Variants in UVRAG observed in about 807,000 individuals in gnomAD.
The protein encoded by UVRAG is UV radiation resistance associated.
Under a neutral mutation model 78.0 loss-of-function variants are expected in UVRAG, and 19 were observed. That is an observed-to-expected ratio of 0.24 (90% confidence interval 0.17 to 0.36). The LOEUF is 0.36. UVRAG is among the 10% of genes least tolerant of loss of function. UVRAG has a pLI of 1.00. For synonymous variants in UVRAG, 323 were observed against 324.6 expected, an observed-to-expected ratio of 1.00 and a Z score of 0.05; for missense variants, 740 against 853.8, an observed-to-expected ratio of 0.87 and a Z score of 1.66.
intron 1 of UVRAG, among the ~76,000 whole-genome samples, chr11:75,817,170 G>T (rs939215691): frequency 2.0e-5 from 3 of 152,146 alleles, no homozygotes; most frequent in Admixed American, 2.0e-4. Flanking sequence ...GGGAGGTAGA[G>T]TGTGAGAGTG....
chr11:76,005,368 A>G (rs539255054), intron 9 of UVRAG, among the ~76,000 whole-genome samples: 1 of 152,290 alleles, frequency 6.6e-6, no homozygotes, highest in African/African-American at 2.4e-5. Context: ...CTAGACCTAT[A>G]GAAAACCATA....
intron 8 of UVRAG, among the ~76,000 whole-genome samples, chr11:76,002,877 A>G (rs1465978072): frequency 6.6e-6 from 1 of 152,122 alleles, no homozygotes; most frequent in African/African-American, 2.4e-5. Context: ...GGAGTTCAAG[A>G]TCAGCCTGGA....
At chr11:75,877,316 C>A (rs1946811387) in intron 3 of UVRAG, among the ~76,000 whole-genome samples, 1 of 152,210 alleles carries the variant, frequency 6.6e-6, no homozygotes, top group Admixed American at 6.5e-5. Context: ...GCTTTCTATT[C>A]CACAAAACCG....
rs534676953 is a variant in UVRAG, at chr11:76,140,953, T to G, written c.1640T>G (p.Leu547Arg). Residue 547 changes from leucine to arginine, a missense_variant, in exon 15 of 15, where the codon CTA becomes CGA. Transcript: ENST00000356136. ...GAGACCGAGAGAAAGATAACATCTC[T>G]ATCCTCCTCCTTGGATACCTCCTTG... is the stretch of plus-strand genomic sequence containing the variant. The part of the protein sequence containing the change: ...MGETERKITS[L>R]SSSLDTSLDF... 6.2e-7 allele frequency: 1 copy of G among 1,614,140 alleles called. No individual in the cohort carries two copies. The highest frequency in any genetic ancestry group is 8.5e-7 in the Non-Finnish European group (1 of 1,180,028).
intron 3 of UVRAG, among the ~76,000 whole-genome samples, chr11:75,869,793 T>G (rs1946611780): frequency 6.6e-6 from 1 of 152,234 alleles, no homozygotes; most frequent in Non-Finnish European, 1.5e-5. Context: ...AAAATCAGTA[T>G]GCTATTCCAG....
intron 6 of UVRAG, among the ~76,000 whole-genome samples, chr11:75,952,529 T>C (rs1948723380): frequency 6.6e-6 from 1 of 152,068 alleles, no homozygotes. Context: ...AATTATGATC[T>C]TTTTTCTTCA....
At chr11:75,845,514 T>C (rs1946013996) in intron 1 of UVRAG, among the ~76,000 whole-genome samples, 1 of 152,180 alleles carries the variant, frequency 6.6e-6, no homozygotes, top group African/African-American at 2.4e-5. Flanking sequence ...AAGAATGAGA[T>C]CATGGCCTTT....
At chr11:75,930,926 A>ATT (rs1214153569) in intron 6 of UVRAG, 1 of 79,646 alleles carries the variant, frequency 1.3e-5, no homozygotes, top group Non-Finnish European at 3.0e-5. Context: ...AAGTGTCGGG[A>ATT]TTTTCTTTCT....
chr11:76,015,306 G>C (rs376251459), intron 11 of UVRAG, among the ~76,000 whole-genome samples: 1 of 152,020 alleles, frequency 6.6e-6, no homozygotes, highest in Non-Finnish European at 1.5e-5. Flanking sequence ...GTTTGAGGTC[G>C]GCCTGGGCAA....
intron 13 of UVRAG, among the ~76,000 whole-genome samples, chr11:76,094,512 A>C (rs1951755360): frequency 1.3e-5 from 2 of 152,170 alleles, no homozygotes; most frequent in African/African-American, 2.4e-5. Context: ...TTGGTAGGCT[A>C]TCAATTATTG....
At chr11:76,089,707 A>G (rs1265003935) in intron 13 of UVRAG, among the ~76,000 whole-genome samples, 1 of 152,168 alleles carries the variant, frequency 6.6e-6, no homozygotes, top group East Asian at 1.9e-4. Flanking sequence ...ACTTTCAACA[A>G]TCTTAGCAGA....
intron 13 of UVRAG, among the ~76,000 whole-genome samples, chr11:76,098,873 A>G (rs1951830935): frequency 6.6e-6 from 1 of 152,172 alleles, no homozygotes; most frequent in African/African-American, 2.4e-5. Flanking sequence ...ACCTTATGCA[A>G]ACAAAATTGT....
Position 76,116,114 on chromosome 11 carries a change from T to C in UVRAG, c.1397+99T>C. On this transcript the variant is annotated intron_variant, in intron 14 of 14. Coordinates refer to ENST00000356136, the MANE Select transcript of UVRAG (RefSeq NM_003369.4). ...ATTGCTCCACACCTGCCTCTGAGTT[T>C]TCTTCTGTAATGAGATATGGGAGGA... The C allele has an allele frequency of 2.6e-6, 3 of 1,154,554 alleles. No individual in the cohort carries two copies. In the South Asian group the frequency reaches 4.1e-5, roughly 16 times the overall value. 71.5% of individuals were successfully genotyped at this position (1,154,554 alleles called of 1,614,324 possible).
intron 1 of UVRAG, among the ~76,000 whole-genome samples, chr11:75,850,851 A>G (rs890073055): frequency 4.6e-5 from 7 of 152,250 alleles, no homozygotes; most frequent in African/African-American, 1.7e-4. Flanking sequence ...CAAATTTATT[A>G]GACAATAACC....
intron 1 of UVRAG, among the ~76,000 whole-genome samples, chr11:75,828,800 TATA>T (rs1291470366): frequency 0.086 from 9,117 of 105,552 alleles, 671 homozygotes; most frequent in Non-Finnish European, 0.14. Context: ...TATATATATA[TATA>T]TATTTTTTTT....
chr11:76,129,531 G>A (rs1227642069), intron 14 of UVRAG, among the ~76,000 whole-genome samples: 1 of 152,086 alleles, frequency 6.6e-6, no homozygotes, highest in African/African-American at 2.4e-5. Flanking sequence ...CATTCTAAGT[G>A]CCCATGCGTT....
intron 1 of UVRAG, among the ~76,000 whole-genome samples, chr11:75,829,226 C>T (rs367678535): frequency 4.7e-4 from 72 of 152,210 alleles, no homozygotes; most frequent in African/African-American, 1.1e-3. Flanking sequence ...TAGATGTGTG[C>T]GACTGTACCC....
At chr11:76,053,379 C>T (rs117504499) in intron 12 of UVRAG, among the ~76,000 whole-genome samples, 2,110 of 150,926 alleles carry the variant, frequency 0.014, 18 homozygotes, top group Non-Finnish European at 0.023. Flanking sequence ...TCCCGTGTTT[C>T]CCATCACAAT....
chr11:75,995,102 T>G (rs545878295), intron 8 of UVRAG, among the ~76,000 whole-genome samples: 1 of 152,174 alleles, frequency 6.6e-6, no homozygotes, highest in Non-Finnish European at 1.5e-5. Context: ...TCTGTTCACC[T>G]TTTTTAATGC....
Sources: gnomAD v4.1 joint callset for allele counts (sites outside exome capture counted in the v4.1 genomes callset) on GRCh38, gnomAD v4.1.1 for gene constraint, MANE v1.5 for transcripts, NCBI Gene and HGNC (gene_info 2026-07-23, HGNC 2026-07-21) for gene names.